The following DNAH17 variants were observed in gnomAD, a reference collection of about 807,000 sequenced individuals.
DNAH17 encodes the protein axonemal beta dynein heavy chain 17.
In DNAH17, 376 loss-of-function variants were observed where a neutral mutation model predicts 485.6. The ratio of observed to expected loss-of-function variants is 0.77; its 90% CI spans 0.71 to 0.84. The LOEUF (loss-of-function observed/expected upper bound fraction) is 0.84, where lower values mean the gene tolerates loss of function less well. DNAH17 is among the 40% of genes least tolerant of loss of function. DNAH17 has a pLI of 0.00. For missense variants in DNAH17, 6,370 were observed against 5,839.3 expected (o/e 1.09, Z -2.96); for synonymous variants, 3,031 against 2,405.9 (o/e 1.26, Z -7.60).
intron 18 of DNAH17, 30 bp downstream of exon 18, chr17:78,539,707 T>C (rs1234942574): frequency 6.5e-7 from 1 of 1,547,284 alleles, no homozygotes; most frequent in Non-Finnish European, 8.7e-7. Context: ...TACATATACA[T>C]AAATATATTA....
At chr17:78,456,359 T>C (rs2087800748) in intron 62 of DNAH17, among the ~76,000 whole-genome samples, 1 of 152,094 alleles carries the variant, frequency 6.6e-6, no homozygotes, top group Non-Finnish European at 1.5e-5. Flanking sequence ...CCCTTAGGAA[T>C]GCTGTGTTTC....
At position 78,501,196 on chromosome 17, in the gene DNAH17, G is replaced by T. The variant is rs1451968897; in HGVS notation, c.5471C>A (p.Pro1824Gln). The T allele has an allele frequency of 2.5e-6, 4 of 1,584,764 alleles. No homozygotes were observed. The highest frequency in any genetic ancestry group is 1.1e-5 in the South Asian group (1 of 87,544). ...LGNTPRLVIT[P>Q]LTDRCYITLT... ...GGACGGGCCTCACCTGTCAGTGAGT[G>T]GGGTGATGACCAGCCGCGGCGTGTT... The change falls in exon 35 of 81, where the codon CCA becomes CAA. Residue 1824 changes from proline (P) to glutamine (Q), a missense_variant. By Grantham distance (76) the Pro-to-Gln change is moderately conservative (BLOSUM62 -1). Transcript: ENST00000389840.
chr17:78,497,293 C>T (rs528122592), intron 37 of DNAH17, among the ~76,000 whole-genome samples: 21 of 152,262 alleles, frequency 1.4e-4, no homozygotes, highest in Non-Finnish European at 2.4e-4. Flanking sequence ...GCCCAATACT[C>T]GCGGTAAAGC....
Position 78,561,783 on chromosome 17 carries a change from G to A in DNAH17, c.1767C>T (p.Leu589=). The A allele has an allele frequency of 6.2e-7, 1 of 1,613,436 alleles. No individual in the cohort carries two copies. ...TCTCCTGCAGCTCCAGGCTCCATTT[G>A]AGCTGCCCGGCCACGGGAGGCATGT... The part of the protein sequence containing the change: ...HKNMPPVAGQ[L]KWSLELQERL... The change falls in exon 12 of 81, where the codon CTC becomes CTT. Residue 589 remains leucine (L), a synonymous_variant. Coordinates refer to ENST00000389840, the MANE Select transcript of DNAH17 (RefSeq NM_173628.4).
chr17:78,496,088 CAG>C (rs1158458258), intron 37 of DNAH17, 56 bp from the exon 38 acceptor site: 13 of 1,556,424 alleles, frequency 8.4e-6, no homozygotes, highest in African/African-American at 5.4e-5. Flanking sequence ...TTCCACACAC[CAG>C]AGAGGCCTTC....
At chr17:78,471,773 T>G (rs1014077114) in intron 54 of DNAH17, among the ~76,000 whole-genome samples, 1 of 151,966 alleles carries the variant, frequency 6.6e-6, no homozygotes, top group Admixed American at 6.6e-5. Flanking sequence ...TGTCCCCACC[T>G]CACCTTCCCC....
chr17:78,462,496 G>A lies in DNAH17; in HGVS notation c.9174+348C>T, dbSNP rs115542305. ...AGGATCCAGGGAGGTTTTTGAGCCA[G>A]GCCCCATGGTATGAATGGTATTTAC... On this transcript the variant is annotated intron_variant, in intron 57 of 80. Coordinates refer to ENST00000389840, the MANE Select transcript of DNAH17 (RefSeq NM_173628.4). 5.3e-3 allele frequency among the ~76,000 whole-genome samples: 801 copies of A among 152,270 alleles called. 6 individuals carry two copies. The highest frequency in any genetic ancestry group is 0.018 in the African/African-American group (765 of 41,542).
At position 78,546,576 on chromosome 17, in the gene DNAH17, TTTA is replaced by T. The variant is rs1263130019; in HGVS notation, c.2392-2582_2392-2580del. Reference sequence around the variant, plus strand: ...AATTCCACTAGAACTTGCCATTAAGTTTATTAAGTCTTTTAAATGTTTCTCTAA... The same window carrying T: ...AATTCCACTAGAACTTGCCATTAAGTTTAAGTCTTTTAAATGTTTCTCTAA... On this transcript the variant is annotated intron_variant, in intron 16 of 80. Transcript: ENST00000389840. Among the ~76,000 whole-genome samples, 8 of 152,334 alleles carry T rather than the reference TTTA, an allele frequency of 5.3e-5. No individual in the cohort carries two copies. In the East Asian group the frequency reaches 7.7e-4, roughly 15 times the overall value.
At chr17:78,432,213 A>AAAATT (rs1167910173) in intron 75 of DNAH17, among the ~76,000 whole-genome samples, 2,529 of 151,584 alleles carry the variant, frequency 0.017, 74 homozygotes, top group African/African-American at 0.059. Context: ...TAAAATAAAT[A>AAAATT]AAAATTAAAA....
chr17:78,506,666 TG>T, intron 30 of DNAH17, 53 bp downstream of exon 30: 1 of 1,611,368 alleles, frequency 6.2e-7, no homozygotes. Context: ...GGTGCCCACC[TG>T]GGGTCTGGCA....
intron 64 of DNAH17, among the ~76,000 whole-genome samples, chr17:78,454,247 C>T (rs2087687037): frequency 6.6e-6 from 1 of 152,222 alleles, no homozygotes; most frequent in Non-Finnish European, 1.5e-5. Flanking sequence ...CTCCGTCTCA[C>T]TCTCCTTTCC....
chr17:78,432,249 C>G (rs912326816), intron 75 of DNAH17, among the ~76,000 whole-genome samples: 1 of 152,052 alleles, frequency 6.6e-6, no homozygotes, highest in African/African-American at 2.4e-5. Context: ...GACTGTTTCT[C>G]CCAAACTAGT....
intron 8 of DNAH17, 58 bp from the exon 9 acceptor site, chr17:78,569,310 A>G: frequency 6.2e-7 from 1 of 1,600,918 alleles, no homozygotes; most frequent in South Asian, 1.1e-5. Context: ...CAAGTTTATC[A>G]AATATCGGGG....
Position 78,567,148 on chromosome 17 carries a change from T to C in DNAH17, c.1303A>G (p.Ile435Val), listed in dbSNP as rs1469939164. ...ATTTTCTCCAGCTTCAGAAACTCAA[T>C]TGCTGTTTTATAGAGTTCCTAGTGG... ...QTIEELYKTA[I>V]EFLKLEKIEL... The change falls in exon 10 of 81, where the codon ATT becomes GTT. Residue 435 changes from isoleucine to valine, a missense_variant. Transcript: ENST00000389840. 4.4e-6 allele frequency: 7 copies of C among 1,605,352 alleles called. No individual in the cohort carries two copies. Among genetic ancestry groups the C allele is most frequent in the Non-Finnish European group, 6.0e-6 (7 of 1,175,878 alleles).
intron 80 of DNAH17, 76 bp from the exon 81 acceptor site, chr17:78,424,229 C>G: frequency 6.6e-7 from 1 of 1,517,330 alleles, no homozygotes; most frequent in Non-Finnish European, 8.8e-7. Flanking sequence ...GGGTGGGGTC[C>G]TCACACTCCC....
At chr17:78,564,820 C>A (rs887533348) in intron 11 of DNAH17, among the ~76,000 whole-genome samples, 1 of 152,068 alleles carries the variant, frequency 6.6e-6, no homozygotes, top group Admixed American at 6.6e-5. Context: ...CATTAGTATA[C>A]AAATGAATAT....
At position 78,492,578 on chromosome 17, in the gene DNAH17, C is replaced by T. The variant is rs1022094725; in HGVS notation, c.6541+55G>A. 9.4e-6 allele frequency: 15 copies of T among 1,599,302 alleles called. No homozygotes were observed. In the African/African-American group the frequency reaches 1.2e-4, roughly 13 times the overall value. ...ACGTGGGAACGGCTGAGCACACGCT[C>T]ACTGCACTGGACCAGGAGTGCCCCT... On this transcript the variant is annotated intron_variant, in intron 42 of 80. Transcript: ENST00000389840.
chr17:78,522,629 GC>G, intron 25 of DNAH17: 1 of 244,756 alleles, frequency 4.1e-6, no homozygotes. Context: ...ACCCATGAGT[GC>G]CCAGGCCAGA....
intron 74 of DNAH17, among the ~76,000 whole-genome samples, chr17:78,434,703 CT>C (rs1555650928): frequency 6.6e-6 from 1 of 152,032 alleles, no homozygotes; most frequent in East Asian, 1.9e-4. Context: ...CAAACCCTTT[CT>C]TTTTATCTGG....
Sources: gnomAD v4.1 joint callset for allele counts (sites outside exome capture counted in the v4.1 genomes callset) on GRCh38, gnomAD v4.1.1 for gene constraint, MANE v1.5 for transcripts, NCBI Gene and HGNC (gene_info 2026-07-23, HGNC 2026-07-21) for gene names.